The following RNF40 variants were observed in gnomAD, a reference collection of about 807,000 sequenced individuals.
RNF40 encodes the protein ring finger protein 40.
A neutral mutation model predicts 123.3 loss-of-function variants in RNF40; 39 were observed. That is an observed-to-expected ratio of 0.32 (90% confidence interval 0.24 to 0.41). RNF40 has a LOEUF of 0.41. Among genes scored for constraint, RNF40 ranks in the 10% least tolerant of loss-of-function variants. The pLI, the probability that RNF40 is intolerant of heterozygous loss-of-function variation, is 1.00. For missense variants in RNF40, 1,003 were observed against 1,319.9 expected, an observed-to-expected ratio of 0.76 and a Z score of 3.72; for synonymous variants, 538 against 526.0, an observed-to-expected ratio of 1.02 and a Z score of -0.31.
intron 19 of RNF40, chr16:30,773,616 C>A: frequency 3.8e-6 from 1 of 262,062 alleles, no homozygotes. Context: ...GGGATTTCAC[C>A]AGAGGCGGCC....
At position 30,768,789 on chromosome 16, in the gene RNF40, G is replaced by T. The variant is rs747220567; in HGVS notation, c.2098-49G>T. 11 of 1,613,908 alleles carry T rather than the reference G, an allele frequency of 6.8e-6. No homozygotes were observed. The East Asian group carries it at 2.4e-4, about 36-fold the overall frequency. On this transcript the variant is annotated intron_variant, in intron 14 of 19. Transcript: ENST00000324685. The surrounding 1 kb of genome is among the most constrained non-coding windows in gnomAD (Gnocchi z 4.1). ...TTCAGAAAGGCAGAGCAGAGTCCTA[G>T]CTCAGCAGGAAGCAGTGTCAAGAGA...
chr16:30,763,727 C>G (rs529725905), intron 4 of RNF40, among the ~76,000 whole-genome samples, 168 bp downstream of exon 4: 2 of 152,352 alleles, frequency 1.3e-5, no homozygotes, highest in Admixed American at 6.5e-5. Flanking sequence ...GCTTTAGACT[C>G]TGACTAACTT....
At chr16:30,762,303 A>G, upstream of RNF40, 3 of 479,976 alleles carry the variant, frequency 6.3e-6, no homozygotes, top group South Asian at 3.1e-5. Context: ...GCGTCCAGTG[A>G]CGCCCAGTGA....
chr16:30,768,381 C>T lies in RNF40; in HGVS notation c.1830C>T (p.Pro610=). The part of the protein sequence containing the change: ...SSRGREPEAR[P]KRELREREGP... ...GGGGCCGAGAACCTGAGGCCAGGCC[C>T]AAGCGGGAGCTTCGGGAACGGGAAG... is the stretch of plus-strand genomic sequence containing the variant. Residue 610 remains proline, a synonymous_variant, in exon 13 of 20, where the codon CCC becomes CCT. Transcript: ENST00000324685. The surrounding 1 kb of genome is among the most constrained non-coding windows in gnomAD (Gnocchi z 4.1). 1 of 1,613,744 alleles carries T rather than the reference C, an allele frequency of 6.2e-7. No individual in the cohort carries two copies. Among genetic ancestry groups the T allele is most frequent in the Non-Finnish European group, 8.5e-7 (1 of 1,179,886 alleles).
At chr16:30,771,047 A>T (rs1017349847) in intron 17 of RNF40, among the ~76,000 whole-genome samples, 1 of 152,116 alleles carries the variant, frequency 6.6e-6, no homozygotes, top group African/African-American at 2.4e-5. Context: ...GCTATGTACT[A>T]GGCCTTGCGC....
chr16:30,764,801 A>G, intron 5 of RNF40, 137 bp from the exon 6 acceptor site: 1 of 1,274,392 alleles, frequency 7.8e-7, no homozygotes, highest in African/African-American at 1.5e-5. Context: ...CAGTGGGGAT[A>G]AAGACTCCTG....
Position 30,775,043 on chromosome 16 carries a change from G to GC in RNF40, c.*931dup, listed in dbSNP as rs1567290455. 2.2e-6 allele frequency: 1 copy of GC among 456,530 alleles called. No individual in the cohort carries two copies. The highest frequency in any genetic ancestry group is 2.3e-5 in the Admixed American group (1 of 42,580). 28.3% of individuals were successfully genotyped at this position (456,530 alleles called of 1,614,324 possible). On this transcript the variant is annotated 3_prime_UTR_variant, in exon 20 of 20. Transcript: ENST00000324685. ...AGCCTGTGTCCTGTCTGCCTGCCCA[G>GC]CCATGCTCCATCGGCTGTGAGGGCA...
In RNF40 at chr16:30,765,333, G is replaced by T; in HGVS notation, c.918+6G>T. ...TGGCAGAGGCCTTAGAGCAGGTGGG[G>T]CAGGGGTGCTGGGGCAGGTGAGGCA... is the stretch of plus-strand genomic sequence containing the variant. On this transcript the variant is annotated splice_donor_region_variant and intron_variant, in intron 7 of 19. Transcript: ENST00000324685. 6.2e-7 allele frequency: 1 copy of T among 1,614,194 alleles called. No individual in the cohort carries two copies. Among genetic ancestry groups the T allele is most frequent in the Middle Eastern group, 1.6e-4 (1 of 6,062 alleles).
chr16:30,774,210 C>G lies in RNF40; in HGVS notation c.*96C>G. On this transcript the variant is annotated 3_prime_UTR_variant, in exon 20 of 20. Transcript: ENST00000324685. ...GGTCTAGTGGCCCCACCCTCCATTC[C>G]GGACCCCATGGGCCCAGCCCCTGCC... 7.5e-7 allele frequency: 1 copy of G among 1,329,490 alleles called. No individual in the cohort carries two copies. Among genetic ancestry groups the G allele is most frequent in the Non-Finnish European group, 1.0e-6 (1 of 976,878 alleles). 82.4% of individuals were successfully genotyped at this position (1,329,490 alleles called of 1,614,324 possible).
chr16:30,765,162 G>A lies in RNF40; in HGVS notation c.772-19G>A. 1 of 1,613,490 alleles carries A rather than the reference G, an allele frequency of 6.2e-7. No individual in the cohort carries two copies. The highest frequency in any genetic ancestry group is 8.5e-7 in the Non-Finnish European group (1 of 1,179,474). ...AACCAAGTCCCCCATCCAAGCATCT[G>A]CTCCCTCATTGTTCCCAGTACTCCG... is the stretch of plus-strand genomic sequence containing the variant. On this transcript the variant is annotated intron_variant, in intron 6 of 19. Transcript: ENST00000324685.
rs2054213438 is a variant in RNF40, at chr16:30,775,257, CT to C, written c.*1146del. 2.9e-6 allele frequency: 1 copy of C among 339,288 alleles called. No homozygotes were observed. The highest frequency in any genetic ancestry group is 2.2e-5 in the South Asian group (1 of 45,246). 21.0% of individuals were successfully genotyped at this position (339,288 alleles called of 1,614,324 possible). The stretch of plus-strand genomic sequence containing the variant: ...TTTTAGCTGCAGCAGCTGAGCAGCA[CT>C]TTGCTGGCTTGGTGTGAGCCTGGGA... On this transcript the variant is annotated 3_prime_UTR_variant, in exon 20 of 20. Transcript: ENST00000324685.
chr16:30,763,027 A>G (rs1235471349), intron 2 of RNF40, 91 bp from the exon 3 acceptor site: 4 of 1,417,180 alleles, frequency 2.8e-6, no homozygotes, highest in Non-Finnish European at 2.9e-6. Context: ...TCTCCCATGC[A>G]TTGCAGATGC....
Position 30,768,699 on chromosome 16 carries a change from T to G in RNF40, c.2060T>G (p.Val687Gly). 6.2e-7 allele frequency: 1 copy of G among 1,614,066 alleles called. No individual in the cohort carries two copies. The highest frequency in any genetic ancestry group is 8.5e-7 in the Non-Finnish European group (1 of 1,180,032). ...KSAPKEQRDK[V>G]QLMAAERKAK... ...GCGCCCAAGGAGCAGCGGGATAAGG[T>G]GCAGCTCATGGCAGCGGAACGCAAG... is the stretch of plus-strand genomic sequence containing the variant. Residue 687 changes from valine to glycine, a missense_variant, in exon 14 of 20, where the codon GTG becomes GGG. By Grantham distance (109) the Val-to-Gly change is moderately radical. This residue lies in a region of RNF40 where 295 missense variants were observed against 331.7 expected (regional missense o/e 0.89). Transcript: ENST00000324685. This position sits in a 1 kb window ranked among gnomAD's most constrained non-coding sequence, Gnocchi z 4.1.
At position 30,765,037 on chromosome 16, in the gene RNF40, A is replaced by G. The variant is rs1290282742; in HGVS notation, c.749A>G (p.Lys250Arg). The change falls in exon 6 of 20, where the codon AAA becomes AGA. Residue 250 changes from lysine (K) to arginine (R), a missense_variant. Lys to Arg is a conservative substitution (Grantham distance 26, BLOSUM62 2). Coordinates refer to ENST00000324685, the MANE Select transcript of RNF40 (RefSeq NM_014771.4). ...GACTTGGCCACTCAGCTGCAGGAGA[A>G]ACACCACCGCATCTCATTGGAGGTG... ...LQDLATQLQE[K>R]HHRISLEYSE... 1 of 1,613,922 alleles carries G rather than the reference A, an allele frequency of 6.2e-7. No individual in the cohort carries two copies. The highest frequency in any genetic ancestry group is 1.7e-5 in the Admixed American group (1 of 59,994).
In RNF40 at chr16:30,774,331, G is replaced by C. The variant is rs1250066884; in HGVS notation, c.*217G>C. The C allele has an allele frequency of 1.8e-6, 1 of 540,864 alleles. No homozygotes were observed. The highest frequency in any genetic ancestry group is 3.2e-6 in the Non-Finnish European group (1 of 307,730). 33.5% of individuals were successfully genotyped at this position (540,864 alleles called of 1,614,324 possible). A position where few individuals can be genotyped will look rare whatever the true frequency, so the allele number is the denominator to read the frequency against. On this transcript the variant is annotated 3_prime_UTR_variant, in exon 20 of 20. Coordinates refer to ENST00000324685, the MANE Select transcript of RNF40 (RefSeq NM_014771.4). ...TCCTAAAGGTCAGAGCTGCAGCCTA[G>C]GGGGCACTGCCCTACAGAAAAGGTC...
rs779532260 is a variant in RNF40, at chr16:30,766,806, C to T, written c.1359C>T (p.Ala453=). The change falls in exon 11 of 20, where the codon GCC becomes GCT. Residue 453 remains alanine, a synonymous_variant. Coordinates refer to ENST00000324685, the MANE Select transcript of RNF40 (RefSeq NM_014771.4). The surrounding 1 kb of genome is among the most constrained non-coding windows in gnomAD (Gnocchi z 5.4). ...TCATTCAGCTGGAGGACACGCTGGC[C>T]CAGGTACGCAAGGAGTATGAGATGC... ...TEVIQLEDTL[A]QVRKEYEMLR... The T allele has an allele frequency of 6.2e-7, 1 of 1,613,954 alleles. No individual in the cohort carries two copies. Among genetic ancestry groups the T allele is most frequent in the Non-Finnish European group, 8.5e-7 (1 of 1,180,000 alleles).
Position 30,765,207 on chromosome 16 carries a change from A to T in RNF40, c.798A>T (p.Thr266=). The change falls in exon 7 of 20, where the codon ACA becomes ACT. Residue 266 remains threonine (T), a synonymous_variant. Transcript: ENST00000324685. ...LEYSELQDKV[T]SAETKVLEME... is the part of the protein sequence containing the mutation. ...ACTCCGAGCTCCAGGATAAAGTGAC[A>T]TCGGCAGAGACCAAGGTGCTGGAGA... The T allele has an allele frequency of 6.2e-7, 1 of 1,614,230 alleles. No homozygotes were observed. Among genetic ancestry groups the T allele is most frequent in the Non-Finnish European group, 8.5e-7 (1 of 1,180,030 alleles).
chr16:30,763,170 G>T lies in RNF40; in HGVS notation c.185G>T (p.Arg62Leu). 1 of 1,613,974 alleles carries T rather than the reference G, an allele frequency of 6.2e-7. No homozygotes were observed. Among genetic ancestry groups the T allele is most frequent in the Non-Finnish European group, 8.5e-7 (1 of 1,180,038 alleles). ...TTCAAGAACAAGAAACTGGCAGAGC[G>T]GCTGGAACAACGGCAGGCTTGTGAA... ...LQFKNKKLAERLEQRQACEDE... is the reference protein window; with the variant it reads ...LQFKNKKLAELLEQRQACEDE... Residue 62 changes from arginine to leucine, a missense_variant, in exon 3 of 20, where the codon CGG becomes CTG. Physicochemically the swap from Arg to Leu is moderately radical, Grantham distance 102 (BLOSUM62 -2). Coordinates refer to ENST00000324685, the MANE Select transcript of RNF40 (RefSeq NM_014771.4).
chr16:30,763,935 C>T (rs989675409), intron 4 of RNF40, among the ~76,000 whole-genome samples: 3 of 152,166 alleles, frequency 2.0e-5, no homozygotes, highest in Admixed American at 6.5e-5. Context: ...GCGTGTGATT[C>T]TAATTATATT....
Sources: gnomAD v4.1 joint callset for allele counts (sites outside exome capture counted in the v4.1 genomes callset) on GRCh38, gnomAD v4.1.1 for gene constraint, gnomAD v4.1.1 regional missense constraint, Gnocchi (gnomAD v3.1) non-coding constraint, MANE v1.5 for transcripts, NCBI Gene and HGNC (gene_info 2026-07-23, HGNC 2026-07-21) for gene names.